NUP93: variants seen among roughly 807,000 people sequenced by gnomAD.
NUP93 encodes nuclear pore complex protein Nup93.
A neutral mutation model predicts 107.8 loss-of-function variants in NUP93; 55 were observed. The ratio of observed to expected loss-of-function variants is 0.51; its 90% CI spans 0.41 to 0.64. The LOEUF (loss-of-function observed/expected upper bound fraction) is 0.64, where lower values mean the gene tolerates loss of function less well. Among genes scored for constraint, NUP93 ranks in the 30% least tolerant of loss-of-function variants. The pLI is 0.00. For synonymous variants in NUP93, 390 were observed against 397.5 expected (o/e 0.98, Z 0.22); for missense variants, 937 against 1,044.7 (o/e 0.90, Z 1.42).
At chr16:56,833,083 A>C (rs1963828415) in intron 12 of NUP93, 132 bp from the exon 13 acceptor site, 2 of 734,614 alleles carry the variant, frequency 2.7e-6, no homozygotes, top group Non-Finnish European at 4.5e-6. Flanking sequence ...TGATCAATTC[A>C]GACTCAATCT....
Position 56,834,167 on chromosome 16 carries a change from T to C in NUP93, c.1577T>C (p.Leu526Pro). 6.2e-7 allele frequency: 1 copy of C among 1,614,142 alleles called. No individual in the cohort carries two copies. Among genetic ancestry groups the C allele is most frequent in the Non-Finnish European group, 8.5e-7 (1 of 1,180,022 alleles). ...EPGDPPCLRR[L>P]NFVRLLMLYT... ...GGTGACCCTCCTTGCTTGCGGCGGC[T>C]GAACTTCGTGCGGCTCCTCATGCTG... Residue 526 changes from leucine (L) to proline (P), a missense_variant, in exon 14 of 22, where the codon CTG becomes CCG. Physicochemically the swap from Leu to Pro is moderately conservative, Grantham distance 98. Transcript: ENST00000308159.
At chr16:56,840,360 G>C (rs4368156) in intron 20 of NUP93, among the ~76,000 whole-genome samples, 133,803 of 152,208 alleles carry the variant, frequency 0.88, 59,136 homozygotes, top group East Asian at 0.99. Context: ...TGACCGCGGA[G>C]TAAGCTATCA....
In NUP93 at chr16:56,837,485, C is replaced by T. The variant is rs1196943674; in HGVS notation, c.1900-123C>T. The T allele has an allele frequency of 5.6e-6, 4 of 717,372 alleles. No homozygotes were observed. The East Asian group carries it at 1.1e-4, about 19-fold the overall frequency. 44.4% of individuals were successfully genotyped at this position (717,372 alleles called of 1,614,324 possible). The stretch of plus-strand genomic sequence containing the variant: ...GGCTGAGGCACGAGAATTGCTTGAA[C>T]TTGGGAGGCGGTAAAAAATGTCACC... On this transcript the variant is annotated intron_variant, in intron 17 of 21. Coordinates refer to ENST00000308159, the MANE Select transcript of NUP93 (RefSeq NM_014669.5).
At chr16:56,822,419 G>A (rs1175241955) in intron 7 of NUP93, among the ~76,000 whole-genome samples, 1 of 151,500 alleles carries the variant, frequency 6.6e-6, no homozygotes, top group African/African-American at 2.4e-5. Flanking sequence ...GGCTGAGGTG[G>A]GAGGATTGCC....
intron 3 of NUP93, among the ~76,000 whole-genome samples, chr16:56,784,398 A>G (rs1962581440): frequency 6.6e-6 from 1 of 152,242 alleles, no homozygotes; most frequent in South Asian, 2.1e-4. Context: ...TCAAAGATCA[A>G]TAGATTGAGG....
intron 3 of NUP93, among the ~76,000 whole-genome samples, chr16:56,789,469 G>T (rs1319670685): frequency 6.6e-6 from 1 of 152,220 alleles, no homozygotes; most frequent in African/African-American, 2.4e-5. Context: ...CAGTCTGACA[G>T]TGACAGATGG....
chr16:56,831,998 G>A lies in NUP93; in HGVS notation c.1242G>A (p.Leu414=), dbSNP rs531620406. 5.6e-6 allele frequency: 9 copies of A among 1,614,066 alleles called. No individual in the cohort carries two copies. The highest frequency in any genetic ancestry group is 7.6e-6 in the Non-Finnish European group (9 of 1,179,976). The change falls in exon 11 of 22, where the codon CTG becomes CTA. Residue 414 remains leucine, a synonymous_variant. Coordinates refer to ENST00000308159, the MANE Select transcript of NUP93 (RefSeq NM_014669.5). ...TGGCGGACAAAACTGAGGATTACCT[G>A]TGGCTGAAGGTAGGCACTGTTTCCC... is the stretch of plus-strand genomic sequence containing the variant. ...SEVADKTEDY[L]WLKLNQVCFD...
At chr16:56,841,905 T>C (rs1412431774) in intron 21 of NUP93, 72 bp downstream of exon 21, 8 of 1,569,424 alleles carry the variant, frequency 5.1e-6, no homozygotes, top group African/African-American at 2.7e-5. Flanking sequence ...TGCGCTCTTA[T>C]GAGACCACAT....
chr16:56,795,795 C>T (rs1031508948), intron 3 of NUP93, among the ~76,000 whole-genome samples: 9 of 151,942 alleles, frequency 5.9e-5, no homozygotes, highest in African/African-American at 2.2e-4. Context: ...TATAGGCGCC[C>T]GCCACCACGG....
chr16:56,798,559 G>T (rs375104986), intron 4 of NUP93, 21 bp downstream of exon 4: 3 of 1,603,356 alleles, frequency 1.9e-6, no homozygotes, highest in African/African-American at 2.7e-5. Context: ...TAACCAAAAT[G>T]TAGATGTATA....
intron 5 of NUP93, among the ~76,000 whole-genome samples, chr16:56,811,699 G>A (rs1963319364): frequency 6.6e-6 from 1 of 152,056 alleles, no homozygotes; most frequent in Admixed American, 6.5e-5. Flanking sequence ...TCGAACTCCT[G>A]ACCTCAAGTG....
At chr16:56,836,542 A>T in intron 16 of NUP93, 59 bp from the exon 17 acceptor site, 1 of 1,028,356 alleles carries the variant, frequency 9.7e-7, no homozygotes, top group Non-Finnish European at 1.5e-6. Flanking sequence ...CTGTGTTTAA[A>T]ATAATAGCTC....
chr16:56,783,974 T>C (rs1004910928), intron 3 of NUP93: 2 of 808,190 alleles, frequency 2.5e-6, no homozygotes, highest in East Asian at 1.3e-4. Flanking sequence ...ATATGAAAAG[T>C]GTAACGCAGA....
chr16:56,766,139 G>T lies in NUP93; in HGVS notation c.297+7484G>T, dbSNP rs190009527. Among the ~76,000 whole-genome samples the T allele has an allele frequency of 1.9e-4, 29 of 152,310 alleles. No homozygotes were observed. The East Asian group carries it at 5.4e-3, about 28-fold the overall frequency. On this transcript the variant is annotated intron_variant, in intron 3 of 21. Transcript: ENST00000308159. Reference sequence around the variant, plus strand: ...AGTAAATGGATGCTGAATGCATTCTGAACGAGCGGGAAATGACAGGCTTTT... The same window carrying T: ...AGTAAATGGATGCTGAATGCATTCTTAACGAGCGGGAAATGACAGGCTTTT...
Position 56,839,359 on chromosome 16 carries a change from A to AT in NUP93, c.2137-160dup, listed in dbSNP as rs1297510813. 15 of 521,772 alleles carry AT rather than the reference A, an allele frequency of 2.9e-5. No individual in the cohort carries two copies. In the African/African-American group the frequency reaches 3.0e-4, roughly 10 times the overall value. 32.3% of individuals were successfully genotyped at this position (521,772 alleles called of 1,614,324 possible). A position where few individuals can be genotyped will look rare whatever the true frequency, so the allele number is the denominator to read the frequency against. Reference sequence around the variant, plus strand: ...ATTGTGTCAGGAAATGATGATAAGAATTAAGTTAGCTAGTTAGAATCAAAG... The same window carrying AT: ...ATTGTGTCAGGAAATGATGATAAGAATTTAAGTTAGCTAGTTAGAATCAAAG... On this transcript the variant is annotated intron_variant, in intron 19 of 21. Coordinates refer to ENST00000308159, the MANE Select transcript of NUP93 (RefSeq NM_014669.5).
At chr16:56,767,910 A>G (rs1962243103) in intron 3 of NUP93, among the ~76,000 whole-genome samples, 1 of 152,212 alleles carries the variant, frequency 6.6e-6, no homozygotes, top group Non-Finnish European at 1.5e-5. Context: ...AGGTGCTTTT[A>G]CTGAATCAGT....
chr16:56,760,537 A>T (rs1437441594), intron 3 of NUP93, among the ~76,000 whole-genome samples: 1 of 152,096 alleles, frequency 6.6e-6, no homozygotes, highest in South Asian at 2.1e-4. Flanking sequence ...GGGAGCTTGC[A>T]CGTCACATGG....
At chr16:56,833,146 G>C (rs1963830312) in intron 12 of NUP93, 69 bp from the exon 13 acceptor site, 2 of 1,375,146 alleles carry the variant, frequency 1.5e-6, no homozygotes, top group Non-Finnish European at 1.0e-6. Flanking sequence ...CTGCTGCCTG[G>C]GGGTTGGGCC....
At chr16:56,785,260 G>A (rs1224972829) in intron 3 of NUP93, among the ~76,000 whole-genome samples, 1 of 152,138 alleles carries the variant, frequency 6.6e-6, no homozygotes, top group Non-Finnish European at 1.5e-5. Context: ...GTAAAACTTT[G>A]TTGAAGATCC....
Sources: allele counts gnomAD v4.1 joint callset (sites outside exome capture counted in the v4.1 genomes callset), GRCh38; gene constraint gnomAD v4.1.1; transcripts MANE v1.5; gene names NCBI Gene and HGNC (gene_info 2026-07-23, HGNC 2026-07-21).